FRMD4B: variants seen among roughly 807,000 people sequenced by gnomAD.
FRMD4B encodes FERM domain containing 4B.
In FRMD4B, 74 loss-of-function variants were observed where a neutral mutation model predicts 141.5. That is an observed-to-expected ratio of 0.52 (90% CI 0.43 to 0.63). The LOEUF is 0.63. FRMD4B is among the 30% of genes least tolerant of loss of function. FRMD4B has a pLI of 0.00. For missense variants in FRMD4B, 1,366 were observed against 1,253.4 expected (o/e 1.09, Z -1.36); for synonymous variants, 506 against 467.9 (o/e 1.08, Z -1.05).
At chr3:69,274,159 G>A (rs1349103331) in intron 5 of FRMD4B, among the ~76,000 whole-genome samples, 4 of 152,150 alleles carry the variant, frequency 2.6e-5, no homozygotes, top group Non-Finnish European at 5.9e-5. Context: ...GCCAGGGCTT[G>A]CATGTCCTGT....
intron 1 of FRMD4B, among the ~76,000 whole-genome samples, chr3:69,540,660 TACACAC>T (rs1161119924): frequency 0.01 from 582 of 56,620 alleles, 7 homozygotes; most frequent in Middle Eastern, 0.012. Flanking sequence ...TATATATATA[TACACAC>T]ACACACACAC....
chr3:69,472,938 CT>C (rs71618285), intron 1 of FRMD4B, among the ~76,000 whole-genome samples: 75 of 108,290 alleles, frequency 6.9e-4, no homozygotes, highest in Middle Eastern at 5.2e-3. Flanking sequence ...TTTTTTTTTT[CT>C]TTTTTTTTTT....
intron 5 of FRMD4B, among the ~76,000 whole-genome samples, chr3:69,280,320 C>T (rs982464178): frequency 2.0e-5 from 3 of 152,128 alleles, no homozygotes; most frequent in African/African-American, 7.2e-5. Flanking sequence ...ACAATCCAGA[C>T]AGCAGCATGC....
chr3:69,463,300 T>C (rs1447679743), intron 1 of FRMD4B, among the ~76,000 whole-genome samples: 1 of 152,200 alleles, frequency 6.6e-6, no homozygotes, highest in African/African-American at 2.4e-5. Flanking sequence ...CACATACAGT[T>C]TTGCCTGGGG....
intron 1 of FRMD4B, chr3:69,376,950 A>C (rs1703987931): frequency 6.6e-6 from 1 of 152,142 alleles, no homozygotes; most frequent in South Asian, 2.1e-4. Context: ...TCCACCAAGA[A>C]AAGATGGAAT....
At chr3:69,296,465 A>C (rs1355065999) in intron 4 of FRMD4B, among the ~76,000 whole-genome samples, 18 of 152,210 alleles carry the variant, frequency 1.2e-4, no homozygotes, top group Non-Finnish European at 2.5e-4. Flanking sequence ...GAGGAAGGCC[A>C]TTAAACGCCT....
At chr3:69,361,928 A>G (rs545944451) in intron 1 of FRMD4B, among the ~76,000 whole-genome samples, 2 of 152,334 alleles carry the variant, frequency 1.3e-5, no homozygotes, top group South Asian at 2.1e-4. Flanking sequence ...TTAACTGCCA[A>G]ATAATTTCCT....
intron 1 of FRMD4B, among the ~76,000 whole-genome samples, chr3:69,370,187 T>G (rs1703786129): frequency 6.7e-6 from 1 of 149,844 alleles, no homozygotes. Context: ...TTAACTCCAG[T>G]GGATGGGAAA....
intron 2 of FRMD4B, among the ~76,000 whole-genome samples, chr3:69,414,535 A>G (rs1011377422): frequency 1.3e-5 from 2 of 152,224 alleles, no homozygotes; most frequent in Admixed American, 6.5e-5. Context: ...GAAAAAGTCA[A>G]TGGTAATCTT....
chr3:69,540,664 C>CAG (rs1184914164), intron 1 of FRMD4B, among the ~76,000 whole-genome samples: 8 of 85,748 alleles, frequency 9.3e-5, no homozygotes, highest in African/African-American at 4.2e-4. Flanking sequence ...TATATATACA[C>CAG]ACACACACAC....
intron 2 of FRMD4B, among the ~76,000 whole-genome samples, chr3:69,414,923 T>C (rs912826967): frequency 2.8e-5 from 4 of 142,328 alleles, no homozygotes; most frequent in Non-Finnish European, 6.0e-5. Context: ...TGGAGTGCAG[T>C]AGCGAGATCT....
At chr3:69,208,847 T>G (rs1300623879) in intron 11 of FRMD4B, among the ~76,000 whole-genome samples, 1 of 152,264 alleles carries the variant, frequency 6.6e-6, no homozygotes, top group African/African-American at 2.4e-5. Flanking sequence ...TTTTTAGTAA[T>G]AGAACATCTT....
At chr3:69,489,711 G>C (rs1706272599) in intron 1 of FRMD4B, among the ~76,000 whole-genome samples, 1 of 152,178 alleles carries the variant, frequency 6.6e-6, no homozygotes, top group African/African-American at 2.4e-5. Context: ...TTGCCATATA[G>C]CCCAGAATTC....
chr3:69,240,626 G>C (rs917844407), intron 7 of FRMD4B, among the ~76,000 whole-genome samples: 4 of 152,082 alleles, frequency 2.6e-5, no homozygotes, highest in African/African-American at 9.7e-5. Flanking sequence ...AATTATTTAT[G>C]GTCAACTTGA....
At chr3:69,279,007 A>G (rs2076511495) in intron 5 of FRMD4B, among the ~76,000 whole-genome samples, 1 of 152,148 alleles carries the variant, frequency 6.6e-6, no homozygotes, top group Admixed American at 6.6e-5. Context: ...CTTACAAAGT[A>G]TCATCAGACA....
At chr3:69,332,642 T>C (rs1702405481) in intron 1 of FRMD4B, among the ~76,000 whole-genome samples, 1 of 151,934 alleles carries the variant, frequency 6.6e-6, no homozygotes, top group South Asian at 2.1e-4. Context: ...AGTGGCGTGA[T>C]CATGACTCAC....
intron 1 of FRMD4B, among the ~76,000 whole-genome samples, chr3:69,360,152 G>C (rs1477048625): frequency 6.6e-6 from 1 of 151,870 alleles, no homozygotes; most frequent in Non-Finnish European, 1.5e-5. Context: ...AGTTTTTGTA[G>C]TGGAAAATTT....
chr3:69,397,090 C>T (rs1704486077), intron 2 of FRMD4B, among the ~76,000 whole-genome samples: 1 of 151,992 alleles, frequency 6.6e-6, no homozygotes, highest in Non-Finnish European at 1.5e-5. Context: ...TTCATAATAG[C>T]TAAAAAGTAG....
At chr3:69,471,023 C>A (rs1705879953) in intron 1 of FRMD4B, among the ~76,000 whole-genome samples, 1 of 152,184 alleles carries the variant, frequency 6.6e-6, no homozygotes, top group Non-Finnish European at 1.5e-5. Context: ...TCTAATTCTA[C>A]ACGCAGTAAA....
Sources: gnomAD v4.1 joint callset for allele counts (sites outside exome capture counted in the v4.1 genomes callset) on GRCh38, gnomAD v4.1.1 for gene constraint, MANE v1.5 for transcripts, NCBI Gene and HGNC (gene_info 2026-07-23, HGNC 2026-07-21) for gene names.